MINAR2: variants seen among roughly 807,000 people sequenced by gnomAD.
MINAR2 encodes membrane integral NOTCH2 associated receptor 2.
A neutral mutation model predicts 16.1 loss-of-function variants in MINAR2; 21 were observed. The ratio of observed to expected loss-of-function variants is 1.31; its 90% CI spans 0.93 to 1.88. The LOEUF is 1.88. MINAR2 is among the 40% of genes most tolerant of loss of function. MINAR2 has a pLI of 0.00. For synonymous variants in MINAR2, 86 were observed against 83.0 expected (o/e 1.04, Z -0.20); for missense variants, 259 against 229.8 (o/e 1.13, Z -0.82).
intron 2 of MINAR2, among the ~76,000 whole-genome samples, chr5:129,764,262 T>C (rs1395401469): frequency 6.6e-6 from 1 of 152,078 alleles, no homozygotes; most frequent in Non-Finnish European, 1.5e-5. Flanking sequence ...TAATGGGTCC[T>C]TTTTTCAGGA....
intron 1 of MINAR2, among the ~76,000 whole-genome samples, chr5:129,759,297 C>T (rs879245245): frequency 1.3e-5 from 2 of 151,990 alleles, no homozygotes; most frequent in African/African-American, 4.8e-5. Flanking sequence ...TGAGCCACTT[C>T]TTTTTAAAGA....
intron 1 of MINAR2, among the ~76,000 whole-genome samples, chr5:129,758,738 C>T (rs56107157): frequency 1.6e-4 from 24 of 151,746 alleles, no homozygotes; most frequent in African/African-American, 5.8e-4. Flanking sequence ...AGATGCCTAG[C>T]CTTGAAGAAA....
chr5:129,761,578 G>T (rs1244006078), intron 2 of MINAR2, among the ~76,000 whole-genome samples: 1 of 151,964 alleles, frequency 6.6e-6, no homozygotes, highest in Admixed American at 6.6e-5. Context: ...CCTCCTTTAC[G>T]TAGCCCATTT....
intron 1 of MINAR2, among the ~76,000 whole-genome samples, chr5:129,753,775 G>C (rs982802808): frequency 2.5e-4 from 38 of 149,558 alleles, no homozygotes; most frequent in Non-Finnish European, 3.0e-5. Flanking sequence ...GAGAGAGTGA[G>C]AGCGTCAGAG....
chr5:129,764,991 T>A lies in MINAR2; in HGVS notation c.501T>A (p.Arg167=), dbSNP rs1205835191. 3 of 1,395,170 alleles carry A rather than the reference T, an allele frequency of 2.2e-6. No homozygotes were observed. The highest frequency in any genetic ancestry group is 1.9e-6 in the Non-Finnish European group (2 of 1,072,724). 86.4% of individuals were successfully genotyped at this position (1,395,170 alleles called of 1,614,324 possible). ...EKQEKHSKFC[R]MGLILLVVIS... is the part of the protein sequence containing the mutation. The stretch of plus-strand genomic sequence containing the variant: ...AAGAGAAGCATTCAAAATTCTGTCG[T>A]ATGGGTCTGATTTTACTTGTCGTTA... The change falls in exon 3 of 3, where the codon CGT becomes CGA. Residue 167 remains arginine, a synonymous_variant. Transcript: ENST00000564719.
chr5:129,763,385 C>A (rs1462681935), intron 2 of MINAR2, among the ~76,000 whole-genome samples: 1 of 152,204 alleles, frequency 6.6e-6, no homozygotes, highest in Non-Finnish European at 1.5e-5. Flanking sequence ...TTTCTGAAAC[C>A]TTGACACCAC....
chr5:129,764,788 C>G (rs925620464), intron 2 of MINAR2, 96 bp from the exon 3 acceptor site: 2 of 598,278 alleles, frequency 3.3e-6, no homozygotes, highest in African/African-American at 3.8e-5. Flanking sequence ...TATGGACCAT[C>G]AGTCCCCATG....
chr5:129,764,996 G>A lies in MINAR2; in HGVS notation c.506G>A (p.Gly169Asp), dbSNP rs1483558363. The part of the protein sequence containing the change: ...QEKHSKFCRM[G>D]LILLVVISIL... ...AAGCATTCAAAATTCTGTCGTATGG[G>A]TCTGATTTTACTTGTCGTTATCTCC... is the stretch of plus-strand genomic sequence containing the variant. Residue 169 changes from glycine to aspartate, a missense_variant, in exon 3 of 3, where the codon GGT becomes GAT. Physicochemically the swap from Gly to Asp is moderately conservative, Grantham distance 94. Coordinates refer to ENST00000564719, the MANE Select transcript of MINAR2 (RefSeq NM_001257308.2). 3 of 1,376,632 alleles carry A rather than the reference G, an allele frequency of 2.2e-6. No homozygotes were observed. The highest frequency in any genetic ancestry group is 2.8e-6 in the Non-Finnish European group (3 of 1,063,962). The allele number at this position is 1,376,632 out of a possible 1,614,324, so 85.3% of individuals were successfully genotyped here.
At position 129,765,380 on chromosome 5, in the gene MINAR2, C is replaced by T. The variant is rs1412498287; in HGVS notation, c.*317C>T. The T allele has an allele frequency of 9.2e-6, 2 of 218,388 alleles. No individual in the cohort carries two copies. The highest frequency in any genetic ancestry group is 1.8e-5 in the Non-Finnish European group (2 of 112,392). The allele number at this position is 218,388 out of a possible 1,614,324, so 13.5% of individuals were successfully genotyped here. ...TATCTTTATAGGGAGCAAACAGTAT[C>T]AAAAATTGTCAGCAGCTTTGTTTTC... On this transcript the variant is annotated 3_prime_UTR_variant, in exon 3 of 3. Coordinates refer to ENST00000564719, the MANE Select transcript of MINAR2 (RefSeq NM_001257308.2).
chr5:129,762,778 T>C (rs1018640064), intron 2 of MINAR2: 3 of 185,224 alleles, frequency 1.6e-5, no homozygotes, highest in African/African-American at 4.8e-5. Flanking sequence ...ACAAAGTGCC[T>C]GTAGGATAGG....
At chr5:129,760,174 G>C (rs1289275840) in intron 1 of MINAR2, among the ~76,000 whole-genome samples, 5 of 152,082 alleles carry the variant, frequency 3.3e-5, no homozygotes, top group Non-Finnish European at 7.4e-5. Flanking sequence ...TAGTAAAGCT[G>C]TTCAAGATCA....
chr5:129,750,099 C>G (rs1757967259), intron 1 of MINAR2, among the ~76,000 whole-genome samples: 1 of 152,130 alleles, frequency 6.6e-6, no homozygotes, highest in East Asian at 1.9e-4. Context: ...ACATCAAGTA[C>G]AAATTCAGGT....
In MINAR2 at chr5:129,765,199, G is replaced by A. The variant is rs932771026; in HGVS notation, c.*136G>A. ...TGGATTGTTGATTGTATTATTAAATGTAATTGTCCTGAAGAATGTGAATGT... is the reference window on the plus strand; with the variant it reads ...TGGATTGTTGATTGTATTATTAAATATAATTGTCCTGAAGAATGTGAATGT... On this transcript the variant is annotated 3_prime_UTR_variant, in exon 3 of 3. Transcript: ENST00000564719. 1 of 464,646 alleles carries A rather than the reference G, an allele frequency of 2.2e-6. No homozygotes were observed. The highest frequency in any genetic ancestry group is 3.5e-6 in the Non-Finnish European group (1 of 285,894). The allele number at this position is 464,646 out of a possible 1,614,324, so 28.8% of individuals were successfully genotyped here.
chr5:129,760,320 C>T, intron 1 of MINAR2, 58 bp from the exon 2 acceptor site: 1 of 1,259,100 alleles, frequency 7.9e-7, no homozygotes. Context: ...TCTCACATTG[C>T]ATTCCCTACT....
At chr5:129,749,570 T>A (rs1757961784) in intron 1 of MINAR2, among the ~76,000 whole-genome samples, 1 of 152,126 alleles carries the variant, frequency 6.6e-6, no homozygotes, top group South Asian at 2.1e-4. Context: ...GTAGGCGTTC[T>A]TTTTTTAAGT....
At chr5:129,751,553 C>G (rs1757985363) in intron 1 of MINAR2, among the ~76,000 whole-genome samples, 1 of 152,242 alleles carries the variant, frequency 6.6e-6, no homozygotes, top group Non-Finnish European at 1.5e-5. Flanking sequence ...ATTCAGTAAC[C>G]AGGGACATTG....
chr5:129,750,341 C>T (rs1757971187), intron 1 of MINAR2, among the ~76,000 whole-genome samples: 1 of 152,148 alleles, frequency 6.6e-6, no homozygotes, highest in Non-Finnish European at 1.5e-5. Context: ...TGCAGGTACA[C>T]TGAGGTGTTG....
At position 129,764,965 on chromosome 5, in the gene MINAR2, CAA is replaced by C; in HGVS notation, c.476_477del (p.Gln159ArgfsTer42). 7.1e-7 allele frequency: 1 copy of C among 1,409,090 alleles called. No homozygotes were observed. Among genetic ancestry groups the C allele is most frequent in the Non-Finnish European group, 9.3e-7 (1 of 1,079,884 alleles). 87.3% of individuals were successfully genotyped at this position (1,409,090 alleles called of 1,614,324 possible). Reference protein sequence around the residue: ...FDTLLKKEEKQEKHSKFCRMG... With the variant: ...FDTLLKKEEKXEKHSKFCRMG... ...CACTTTATTGAAAAAGGAAGAGAAA[CAA>C]GAGAAGCATTCAAAATTCTGTCGTA... is the stretch of plus-strand genomic sequence containing the variant. On this transcript the variant is annotated frameshift_variant, in exon 3 of 3. Transcript: ENST00000564719. LOFTEE classifies it high-confidence loss of function.
chr5:129,756,390 T>C (rs1258388470), intron 1 of MINAR2, among the ~76,000 whole-genome samples: 4 of 152,028 alleles, frequency 2.6e-5, no homozygotes, highest in Admixed American at 2.0e-4. Context: ...GTAAGTTCTT[T>C]AGTGGTGATT....
Sources: gnomAD v4.1 joint callset for allele counts (sites outside exome capture counted in the v4.1 genomes callset) on GRCh38, gnomAD v4.1.1 for gene constraint, MANE v1.5 for transcripts, NCBI Gene and HGNC (gene_info 2026-07-23, HGNC 2026-07-21) for gene names.